JMJD1C: variants seen among roughly 807,000 people sequenced by gnomAD.
JMJD1C encodes jumonji domain containing 1C.
JMJD1C carries 31 observed loss-of-function variants against 245.3 expected under a neutral mutation model. The observed-to-expected ratio is 0.13, with a 90% CI of 0.09 to 0.17. The LOEUF (loss-of-function observed/expected upper bound fraction) is 0.17, where lower values mean the gene tolerates loss of function less well. Among genes scored for constraint, JMJD1C ranks in the 10% least tolerant of loss-of-function variants. The probability of loss-of-function intolerance (pLI) is 1.00; values close to 1 mark genes in which losing one functional copy is unlikely to be tolerated. For missense variants in JMJD1C, 2,691 were observed against 3,000.2 expected (o/e 0.90, Z 2.41); for synonymous variants, 1,057 against 1,017.4 (o/e 1.04, Z -0.74).
Position 63,465,883 on chromosome 10 carries a change from T to C in JMJD1C, c.-221A>G, listed in dbSNP as rs1405749118. The C allele has an allele frequency of 3.0e-6, 2 of 670,388 alleles. No homozygotes were observed. Among genetic ancestry groups the C allele is most frequent in the South Asian group, 1.6e-5 (1 of 62,858 alleles). The allele number at this position is 670,388 out of a possible 1,614,324, so 41.5% of individuals were successfully genotyped here. On this transcript the variant is annotated 5_prime_UTR_variant, in exon 1 of 26. Transcript: ENST00000399262. ...GACTCCCAGATTCGCAGCCTTGTGC[T>C]GCAGCGCCACACAAGAAAACTGAAA...
At chr10:63,203,846 T>G in intron 10 of JMJD1C, 1 of 981,432 alleles carries the variant, frequency 1.0e-6, no homozygotes, top group Non-Finnish European at 1.2e-6. Flanking sequence ...AGTTTAGGTG[T>G]AAGCCTAACT....
upstream of JMJD1C, among the ~76,000 whole-genome samples, chr10:63,467,208 CAT>C (rs776384196): frequency 7.9e-5 from 12 of 152,120 alleles, no homozygotes; most frequent in Non-Finnish European, 1.5e-4. Flanking sequence ...AAAGACCAAA[CAT>C]AGAACTGTAA....
At chr10:63,376,249 G>A (rs1022414243) in intron 2 of JMJD1C, among the ~76,000 whole-genome samples, 12 of 152,058 alleles carry the variant, frequency 7.9e-5, no homozygotes, top group African/African-American at 2.9e-4. Flanking sequence ...AAAAAAAGCT[G>A]GACCCTTACA....
At chr10:63,501,733 G>A (rs1408054318) in intron 1 of JMJD1C, among the ~76,000 whole-genome samples, 5 of 151,876 alleles carry the variant, frequency 3.3e-5, no homozygotes, top group Non-Finnish European at 2.9e-5. Context: ...CCAAGGTCGC[G>A]CCACTGCACT....
chr10:63,223,290 C>T (rs764651586), intron 3 of JMJD1C, among the ~76,000 whole-genome samples: 10 of 149,266 alleles, frequency 6.7e-5, no homozygotes, highest in East Asian at 2.0e-4. Flanking sequence ...GTACTGGGCA[C>T]GATCTTGACT....
At chr10:63,383,438 C>T (rs1413079238) in intron 1 of JMJD1C, among the ~76,000 whole-genome samples, 3 of 152,246 alleles carry the variant, frequency 2.0e-5, no homozygotes, top group Admixed American at 6.5e-5. Context: ...TACCTCCTTG[C>T]CTGTAATCCC....
At chr10:63,392,879 C>CAT (rs1948182510) in intron 1 of JMJD1C, among the ~76,000 whole-genome samples, 1 of 116,110 alleles carries the variant, frequency 8.6e-6, no homozygotes, top group Non-Finnish European at 1.9e-5. Context: ...CACACACACA[C>CAT]ACACACACAC....
At chr10:63,386,335 C>G (rs1947586595) in intron 1 of JMJD1C, among the ~76,000 whole-genome samples, 1 of 152,146 alleles carries the variant, frequency 6.6e-6, no homozygotes, top group African/African-American at 2.4e-5. Context: ...ACAGCTGCTC[C>G]AACAGAAAGC....
intron 1 of JMJD1C, among the ~76,000 whole-genome samples, chr10:63,435,764 T>C (rs1951026140): frequency 6.6e-6 from 1 of 152,196 alleles, no homozygotes; most frequent in Admixed American, 6.5e-5. Context: ...GCTGGCATGG[T>C]GGCATGCGCC....
chr10:63,339,948 T>C (rs1943215359), intron 2 of JMJD1C, among the ~76,000 whole-genome samples: 2 of 152,150 alleles, frequency 1.3e-5, no homozygotes, highest in South Asian at 4.1e-4. Context: ...TAGTCCCAGC[T>C]ACTTGAGAGG....
intron 21 of JMJD1C, among the ~76,000 whole-genome samples, chr10:63,183,822 A>G (rs932057191): frequency 6.6e-6 from 1 of 152,252 alleles, no homozygotes; most frequent in Non-Finnish European, 1.5e-5. Context: ...GTACTTAACT[A>G]TATATTGGCT....
chr10:63,255,570 T>C (rs1298442051), intron 3 of JMJD1C, among the ~76,000 whole-genome samples: 1 of 152,218 alleles, frequency 6.6e-6, no homozygotes, highest in Non-Finnish European at 1.5e-5. Context: ...TTGAAATGGA[T>C]GTACCATGAC....
At chr10:63,203,706 T>C in intron 10 of JMJD1C, 1 of 983,764 alleles carries the variant, frequency 1.0e-6, no homozygotes, top group African/African-American at 1.7e-5. Context: ...GAGGAAGACA[T>C]TCCAAAAGAG....
At chr10:63,521,728 G>T (rs1371043156) in intron 1 of JMJD1C, 3 of 417,266 alleles carry the variant, frequency 7.2e-6, no homozygotes, top group Admixed American at 4.7e-5. Context: ...GGAGCCCTCG[G>T]CTTCCTCACC....
chr10:63,250,841 A>G (rs1180081425), intron 3 of JMJD1C, among the ~76,000 whole-genome samples: 1 of 152,180 alleles, frequency 6.6e-6, no homozygotes, highest in Non-Finnish European at 1.5e-5. Context: ...CCTGGGCTCA[A>G]GCAATCCTCC....
rs35442695 is a variant in JMJD1C, at chr10:63,277,731, C to CTTT, written c.334-12970_334-12968dup. Among the ~76,000 whole-genome samples, 233 of 64,218 alleles carry CTTT rather than the reference C, an allele frequency of 3.6e-3. 17 individuals carry two copies. The highest frequency in any genetic ancestry group is 6.7e-3 in the African/African-American group (95 of 14,166). 42.1% of individuals were successfully genotyped at this position (64,218 alleles called of 152,430 possible). A position where few individuals can be genotyped will look rare whatever the true frequency, so the allele number is the denominator to read the frequency against. On this transcript the variant is annotated intron_variant, in intron 2 of 25. Coordinates refer to ENST00000399262, the MANE Select transcript of JMJD1C (RefSeq NM_032776.3). ...TATTCATTGAGAGTAATTTGCATTTCTTTTTTTTTTTTTTTTTTTTTTTTG... is the reference window on the plus strand; with the variant it reads ...TATTCATTGAGAGTAATTTGCATTTCTTTTTTTTTTTTTTTTTTTTTTTTTTTG...
At chr10:63,359,945 T>TA (rs1236412277) in intron 2 of JMJD1C, among the ~76,000 whole-genome samples, 2 of 151,644 alleles carry the variant, frequency 1.3e-5, no homozygotes, top group African/African-American at 4.8e-5. Flanking sequence ...TTTTGTTCCT[T>TA]AAAAAAAAGG....
In JMJD1C at chr10:63,215,540, A is replaced by G. The variant is rs775569034; in HGVS notation, c.822+13T>C. On this transcript the variant is annotated intron_variant, in intron 6 of 25. Transcript: ENST00000399262. ...AATATTTTACAGAAATTCATCCCTA[A>G]TAACATACATACGTGAACAGCGTTG... The G allele has an allele frequency of 1.2e-6, 2 of 1,608,308 alleles. No homozygotes were observed. The highest frequency in any genetic ancestry group is 2.2e-5 in the East Asian group (1 of 44,744).
intron 2 of JMJD1C, among the ~76,000 whole-genome samples, chr10:63,283,844 CA>C (rs200011872): frequency 6.0e-5 from 9 of 148,936 alleles, no homozygotes; most frequent in Non-Finnish European, 1.2e-4. Context: ...GTGTAAAAAA[CA>C]AAAAAAAACC....
Sources: gnomAD v4.1 joint callset for allele counts (sites outside exome capture counted in the v4.1 genomes callset) on GRCh38, gnomAD v4.1.1 for gene constraint, MANE v1.5 for transcripts, NCBI Gene and HGNC (gene_info 2026-07-23, HGNC 2026-07-21) for gene names.